The following ZFHX3 variants were observed in gnomAD, a reference collection of about 807,000 sequenced individuals.
ZFHX3 encodes zinc finger homeobox 3.
Under a neutral mutation model 279.1 loss-of-function variants are expected in ZFHX3, and 42 were observed. The ratio of observed to expected loss-of-function variants is 0.15; its 90% CI spans 0.12 to 0.19. ZFHX3 has a LOEUF of 0.19. ZFHX3 is among the 10% of genes least tolerant of loss of function. The probability of loss-of-function intolerance (pLI) is 1.00; values close to 1 mark genes in which losing one functional copy is unlikely to be tolerated. For missense variants in ZFHX3, 4,981 were observed against 4,754.0 expected (o/e 1.05, Z -1.40); for synonymous variants, 2,293 against 1,957.8 (o/e 1.17, Z -4.52).
intron 3 of ZFHX3, among the ~76,000 whole-genome samples, chr16:72,937,975 T>C (rs772103119): frequency 1.3e-5 from 2 of 152,260 alleles, no homozygotes; most frequent in Non-Finnish European, 2.9e-5. Flanking sequence ...GAGAAACGGA[T>C]AACCACCTGC....
chr16:73,092,061 C>A (rs1206918670), intron 8 of ZFHX3, among the ~76,000 whole-genome samples: 1 of 152,124 alleles, frequency 6.6e-6, no homozygotes, highest in South Asian at 2.1e-4. Flanking sequence ...TGTTTGAGCT[C>A]GAAGATTTCT....
chr16:73,510,925 C>G (rs2019417419), intron 2 of ZFHX3, among the ~76,000 whole-genome samples: 1 of 152,228 alleles, frequency 6.6e-6, no homozygotes, highest in African/African-American at 2.4e-5. Context: ...ACAGTCTATT[C>G]TAGCAATTAA....
chr16:72,912,196 C>T (rs2039336166), intron 3 of ZFHX3, among the ~76,000 whole-genome samples: 1 of 152,298 alleles, frequency 6.6e-6, no homozygotes, highest in East Asian at 1.9e-4. Flanking sequence ...AGGCTCCGCG[C>T]GGGGAGGTGC....
intron 1 of ZFHX3, among the ~76,000 whole-genome samples, chr16:73,768,717 G>A (rs2053982674): frequency 6.6e-6 from 1 of 152,150 alleles, no homozygotes; most frequent in Admixed American, 6.5e-5. Flanking sequence ...TGAGATAACA[G>A]ATTAAATTAG....
intron 1 of ZFHX3, among the ~76,000 whole-genome samples, chr16:73,056,553 TG>T (rs1965561256): frequency 6.6e-6 from 1 of 151,886 alleles, no homozygotes; most frequent in Non-Finnish European, 1.5e-5. Flanking sequence ...TAAACAGATT[TG>T]GAAAAAAAAA....
intron 4 of ZFHX3, among the ~76,000 whole-genome samples, chr16:72,844,237 C>T (rs557368524): frequency 6.6e-6 from 1 of 152,288 alleles, no homozygotes; most frequent in South Asian, 2.1e-4. Flanking sequence ...TTTCCCCTTC[C>T]ACTAATAAGC....
chr16:73,142,014 G>A (rs1369950775), intron 6 of ZFHX3, among the ~76,000 whole-genome samples: 1 of 152,200 alleles, frequency 6.6e-6, no homozygotes, highest in Admixed American at 6.5e-5. Flanking sequence ...ACTGAACAAG[G>A]CTGCGATGAA....
intron 7 of ZFHX3, among the ~76,000 whole-genome samples, chr16:72,808,538 CA>C (rs1426170525): frequency 6.6e-6 from 1 of 152,216 alleles, no homozygotes; most frequent in East Asian, 1.9e-4. Flanking sequence ...TCATAACTTT[CA>C]ACTTTATTCC....
At chr16:73,119,762 A>C (rs1193561126) in intron 7 of ZFHX3, among the ~76,000 whole-genome samples, 2 of 152,178 alleles carry the variant, frequency 1.3e-5, no homozygotes, top group Non-Finnish European at 2.9e-5. Context: ...ATATTTCTGC[A>C]GCCTTGAATT....
rs1252495020 is a variant in ZFHX3, at chr16:72,788,618, G to A, written c.9658C>T (p.Pro3220Ser). ...TGTTGCAGTGGGAGCTGTGGTGTGG[G>A]TGGCGGCTGGGCTGCTGGCGGCGGG... is the stretch of plus-strand genomic sequence containing the variant. ...PPPPPAAQPP[P>S]TPQLPLQQQQ... Residue 3220 changes from proline (P) to serine (S), a missense_variant, in exon 10 of 10, where the codon CCC becomes TCC. By Grantham distance (74) the Pro-to-Ser change is moderately conservative. This residue lies in a region of ZFHX3 where 1,034 missense variants were observed against 786.0 expected (regional missense o/e 1.32). Coordinates refer to ENST00000268489, the MANE Select transcript of ZFHX3 (RefSeq NM_006885.4). The A allele has an allele frequency of 6.2e-7, 1 of 1,613,280 alleles. No homozygotes were observed. Among genetic ancestry groups the A allele is most frequent in the African/African-American group, 1.3e-5 (1 of 74,850 alleles).
In ZFHX3 at chr16:73,291,244, G is replaced by A. The variant is rs915777387; in HGVS notation, c.-1194+26996C>T. On this transcript the variant is annotated intron_variant, in intron 4 of 17. Transcript: ENST00000641206. Reference sequence around the variant, plus strand: ...TCTGTATATGTTCACCTAGACACGGGCCTTCCCCATCTTCATCCCCACTGA... The same window carrying A: ...TCTGTATATGTTCACCTAGACACGGACCTTCCCCATCTTCATCCCCACTGA... Among the ~76,000 whole-genome samples, 8 of 152,260 alleles carry A rather than the reference G, an allele frequency of 5.3e-5. No individual in the cohort carries two copies. In the East Asian group the frequency reaches 1.5e-3, roughly 29 times the overall value.
intron 2 of ZFHX3, among the ~76,000 whole-genome samples, chr16:73,495,586 G>T (rs1018813249): frequency 2.0e-5 from 3 of 152,168 alleles, no homozygotes; most frequent in African/African-American, 7.2e-5. Context: ...TGGAGATTTG[G>T]CCCTTGAAAA....
chr16:73,182,563 C>T (rs1030949218), intron 5 of ZFHX3, among the ~76,000 whole-genome samples: 4 of 152,148 alleles, frequency 2.6e-5, no homozygotes, highest in Admixed American at 1.3e-4. Context: ...GGAAAGAAAT[C>T]GTTACATCAG....
At chr16:73,838,262 A>G (rs1355055865) in intron 1 of ZFHX3, among the ~76,000 whole-genome samples, 1 of 152,212 alleles carries the variant, frequency 6.6e-6, no homozygotes, top group African/African-American at 2.4e-5. Context: ...AGCTGTAGCC[A>G]ACATATACCT....
At chr16:73,589,009 C>G (rs141543344) in intron 2 of ZFHX3, among the ~76,000 whole-genome samples, 1 of 151,714 alleles carries the variant, frequency 6.6e-6, no homozygotes, top group South Asian at 2.1e-4. Flanking sequence ...GCCTGTAATC[C>G]CAGCACTTTG....
At chr16:73,458,723 T>A (rs2018421239) in intron 2 of ZFHX3, among the ~76,000 whole-genome samples, 2 of 152,152 alleles carry the variant, frequency 1.3e-5, no homozygotes, top group Non-Finnish European at 2.9e-5. Flanking sequence ...TTTATCGCAT[T>A]TTCTTATGCT....
chr16:73,441,261 C>T (rs1014846861), intron 3 of ZFHX3, among the ~76,000 whole-genome samples: 1 of 152,058 alleles, frequency 6.6e-6, no homozygotes, highest in Non-Finnish European at 1.5e-5. Flanking sequence ...GAGAGAGATG[C>T]TGTAAAAATA....
intron 2 of ZFHX3, among the ~76,000 whole-genome samples, chr16:73,644,327 G>A (rs1354426509): frequency 5.9e-5 from 9 of 151,950 alleles, no homozygotes; most frequent in African/African-American, 2.2e-4. Flanking sequence ...TCCCCAGACT[G>A]CATTTCCTTT....
intron 1 of ZFHX3, among the ~76,000 whole-genome samples, chr16:73,847,108 C>A (rs988623655): frequency 2.0e-5 from 3 of 151,932 alleles, no homozygotes; most frequent in Admixed American, 6.6e-5. Context: ...TCAAGGCCAG[C>A]CTGACCAACA....
Sources: allele counts gnomAD v4.1 joint callset (sites outside exome capture counted in the v4.1 genomes callset), GRCh38; gene constraint gnomAD v4.1.1; regional missense constraint gnomAD v4.1.1; transcripts MANE v1.5; gene names NCBI Gene and HGNC (gene_info 2026-07-23, HGNC 2026-07-21).